ZNF80: variants seen among roughly 807,000 people sequenced by gnomAD.
The protein encoded by ZNF80 is zinc finger protein 80, also known as ZNFPT17.
For missense variants in ZNF80, 394 were observed against 334.1 expected (o/e 1.18, Z -1.40); for synonymous variants, 132 against 119.4 (o/e 1.11, Z -0.69).
At position 114,237,340 on chromosome 3, in the gene ZNF80, G is replaced by C. The variant is rs2078209427; in HGVS notation, c.-266C>G. The C allele has an allele frequency of 2.7e-6, 1 of 366,994 alleles. No homozygotes were observed. The highest frequency in any genetic ancestry group is 4.3e-5 in the Admixed American group (1 of 23,476). 22.7% of individuals were successfully genotyped at this position (366,994 alleles called of 1,614,324 possible). ...GTGAAGCTGCAGACCTTCGTGGTGA[G>C]TGTTACAGCTCTTAAGGCTTAAGGC... On this transcript the variant is annotated 5_prime_UTR_variant, in exon 1 of 1. Transcript: ENST00000482457.
chr3:114,236,425 T>C lies in ZNF80; in HGVS notation c.650A>G (p.Tyr217Cys). ...HSMTHTAGKP[Y>C]ECKECGKGFY... ...ACCTTTCCCACATTCTTTGCACTCG[T>C]AGGGCTTTCCTGCAGTGTGGGTCAT... The change falls in exon 1 of 1, where the codon TAC becomes TGC. Residue 217 changes from tyrosine to cysteine, a missense_variant. Tyr to Cys is a radical substitution (Grantham distance 194). Transcript: ENST00000482457. 1 of 1,612,470 alleles carries C rather than the reference T, an allele frequency of 6.2e-7. No homozygotes were observed. Among genetic ancestry groups the C allele is most frequent in the East Asian group, 2.2e-5 (1 of 44,830 alleles).
chr3:114,236,424 G>C (rs2078202552), exon 1 of ZNF80: 1 of 1,612,474 alleles, frequency 6.2e-7, no homozygotes, highest in Non-Finnish European at 8.5e-7. Context: ...CTTTGCACTC[G>C]TAGGGCTTTC....
chr3:114,235,843 T>TAAA lies in ZNF80; in HGVS notation c.*407_*409dup, dbSNP rs200692814. 8.7e-5 allele frequency: 13 copies of TAAA among 149,958 alleles called. No homozygotes were observed. Among genetic ancestry groups the TAAA allele is most frequent in the Non-Finnish European group, 1.2e-4 (8 of 68,446 alleles). The allele number at this position is 149,958 out of a possible 1,614,324, so 9.3% of individuals were successfully genotyped here. A position where few individuals can be genotyped will look rare whatever the true frequency, so the allele number is the denominator to read the frequency against. On this transcript the variant is annotated 3_prime_UTR_variant, in exon 1 of 1. Coordinates refer to ENST00000482457, the MANE Select transcript of ZNF80 (RefSeq NM_007136.4). ...TCTCTTTTACAGTTCCCTTCTTACT[T>TAAA]AAAAAAAAAAAATCCTGAAGTGGCT... is the stretch of plus-strand genomic sequence containing the variant.
In ZNF80 at chr3:114,236,840, A is replaced by T. The variant is rs747160537; in HGVS notation, c.235T>A (p.Cys79Ser). ...QIHTGVKPYE[C>S]QECGKAFPEK... Reference sequence around the variant, plus strand: ...GGAAAGGCTTTTCCACACTCCTGGCATTCATAAGGCTTCACCCCAGTGTGA... The same window carrying T: ...GGAAAGGCTTTTCCACACTCCTGGCTTTCATAAGGCTTCACCCCAGTGTGA... Residue 79 changes from cysteine to serine, a missense_variant, in exon 1 of 1, where the codon TGC becomes AGC. By Grantham distance (112) the Cys-to-Ser change is moderately radical. Coordinates refer to ENST00000482457, the MANE Select transcript of ZNF80 (RefSeq NM_007136.4). 6 of 1,614,086 alleles carry T rather than the reference A, an allele frequency of 3.7e-6. No individual in the cohort carries two copies. Among genetic ancestry groups the T allele is most frequent in the South Asian group, 1.1e-5 (1 of 91,090 alleles).
rs1291702504 is a variant in ZNF80 at position 114,237,321 on chromosome 3, C to T, written c.-247G>A. Reference sequence around the variant, plus strand: ...TGGTCTCGCTGGCTCAGGAGTGAAGCTGCAGACCTTCGTGGTGAGTGTTAC... The same window carrying T: ...TGGTCTCGCTGGCTCAGGAGTGAAGTTGCAGACCTTCGTGGTGAGTGTTAC... On this transcript the variant is annotated 5_prime_UTR_variant, in exon 1 of 1. Transcript: ENST00000482457. The T allele has an allele frequency of 2.4e-6, 1 of 418,650 alleles. No homozygotes were observed. Among genetic ancestry groups the T allele is most frequent in the Non-Finnish European group, 4.2e-6 (1 of 236,034 alleles). 25.9% of individuals were successfully genotyped at this position (418,650 alleles called of 1,614,324 possible).
In ZNF80 at chr3:114,236,440, G is replaced by A. The variant is rs1022493294; in HGVS notation, c.635C>T (p.Thr212Ile). The change falls in exon 1 of 1, where the codon ACT (threonine) becomes ATT (isoleucine). Residue 212 changes from threonine (T) to isoleucine (I), a missense_variant. Coordinates refer to ENST00000482457, the MANE Select transcript of ZNF80 (RefSeq NM_007136.4). ...SVFFRHSMTH[T>I]AGKPYECKEC... ...TTTGCACTCGTAGGGCTTTCCTGCAGTGTGGGTCATACTATGTCGGAAGAA... is the reference window on the plus strand; with the variant it reads ...TTTGCACTCGTAGGGCTTTCCTGCAATGTGGGTCATACTATGTCGGAAGAA... 3 of 1,612,548 alleles carry A rather than the reference G, an allele frequency of 1.9e-6. No individual in the cohort carries two copies. Among genetic ancestry groups the A allele is most frequent in the Non-Finnish European group, 2.5e-6 (3 of 1,178,834 alleles).
In ZNF80 at chr3:114,235,629, A is replaced by G. The variant is rs1335136495; in HGVS notation, c.*624T>C. 3 of 152,256 alleles carry G rather than the reference A, an allele frequency of 2.0e-5. No individual in the cohort carries two copies. The highest frequency in any genetic ancestry group is 6.5e-5 in the Admixed American group (1 of 15,284). 9.4% of individuals were successfully genotyped at this position (152,256 alleles called of 1,614,324 possible). A position where few individuals can be genotyped will look rare whatever the true frequency, so the allele number is the denominator to read the frequency against. On this transcript the variant is annotated 3_prime_UTR_variant, in exon 1 of 1. Coordinates refer to ENST00000482457, the MANE Select transcript of ZNF80 (RefSeq NM_007136.4). ...TTAGAACAAAGAATGCATTCAATAA[A>G]TCTTTACAGAGTTAATCTTTACAGA...
rs1289000205 is a variant in ZNF80, at chr3:114,236,664, C to T, written c.411G>A (p.Glu137=). The change falls in exon 1 of 1, where the codon GAG becomes GAA. Residue 137 remains glutamate (E), a synonymous_variant. Coordinates refer to ENST00000482457, the MANE Select transcript of ZNF80 (RefSeq NM_007136.4). ...AGTGATAGCTGAAGGTCTTTCCACA[C>T]TCGCTGCACTCATAGGGCTTCTCTC... ...HTGEKPYECS[E]CGKTFSYHSV... is the part of the protein sequence containing the mutation. 1.2e-6 allele frequency: 2 copies of T among 1,614,002 alleles called. No homozygotes were observed.
At chr3:114,236,646 GC>G in exon 1 of ZNF80, 1 of 1,614,174 alleles carries the variant, frequency 6.2e-7, no homozygotes, top group Non-Finnish European at 8.5e-7. Flanking sequence ...CAGAGTGATA[GC>G]TGAAGGTCTT....
Position 114,236,912 on chromosome 3 carries a change from C to T in ZNF80, c.163G>A (p.Gly55Arg). 1 of 1,614,216 alleles carries T rather than the reference C, an allele frequency of 6.2e-7. No individual in the cohort carries two copies. Among genetic ancestry groups the T allele is most frequent in the Non-Finnish European group, 8.5e-7 (1 of 1,180,042 alleles). Reference protein sequence around the residue: ...EGKTYKCKECGSVFNKNSLLV... With the variant: ...EGKTYKCKECRSVFNKNSLLV... ...AGGCTGTTTTTGTTAAACACGCTCC[C>T]ACATTCCTTGCATTTGTAGGTCTTC... The change falls in exon 1 of 1, where the codon GGG (glycine) becomes AGG (arginine). Residue 55 changes from glycine (G) to arginine (R), a missense_variant. By Grantham distance (125) the Gly-to-Arg change is moderately radical. Transcript: ENST00000482457.
rs148339567 is a variant in ZNF80, at chr3:114,237,378, G to T, written c.-304C>A. On this transcript the variant is annotated 5_prime_UTR_variant, in exon 1 of 1. Coordinates refer to ENST00000482457, the MANE Select transcript of ZNF80 (RefSeq NM_007136.4). ...TAAGGCTTAAGGCGGCGCGTCTGGA[G>T]TTGTTCGTTCCTCCCGGTGGGCTCG... 541 of 249,050 alleles carry T rather than the reference G, an allele frequency of 2.2e-3. 7 individuals are homozygous for T. Among genetic ancestry groups the T allele is most frequent in the African/African-American group, 0.012 (520 of 44,546 alleles). 15.4% of individuals were successfully genotyped at this position (249,050 alleles called of 1,614,324 possible).
Position 114,234,891 on chromosome 3 carries a change from A to C in ZNF80, c.*1362T>G, listed in dbSNP as rs1209119275. ...CTTAGAGATGTTTTGATATCAGTAC[A>C]TACAGAGATACCTTATTGTTTCACA... On this transcript the variant is annotated 3_prime_UTR_variant, in exon 1 of 1. Coordinates refer to ENST00000482457, the MANE Select transcript of ZNF80 (RefSeq NM_007136.4). 2 of 152,236 alleles carry C rather than the reference A, an allele frequency of 1.3e-5. No homozygotes were observed. The highest frequency in any genetic ancestry group is 4.8e-5 in the African/African-American group (2 of 41,470). 9.4% of individuals were successfully genotyped at this position (152,236 alleles called of 1,614,324 possible).
chr3:114,236,553 A>C lies in ZNF80; in HGVS notation c.522T>G (p.Ser174=), dbSNP rs773028373. 6.2e-7 allele frequency: 1 copy of C among 1,613,612 alleles called. No homozygotes were observed. The highest frequency in any genetic ancestry group is 1.7e-5 in the Admixed American group (1 of 59,958). Residue 174 remains serine (S), a synonymous_variant, in exon 1 of 1, where the codon TCT becomes TCG. Coordinates refer to ENST00000482457, the MANE Select transcript of ZNF80 (RefSeq NM_007136.4). Reference sequence around the variant, plus strand: ...GAATCTTCATGTGCCGGGTTAAGGAAGAGTTGTAGTAAAAGGTTTTTCCAC... The same window carrying C: ...GAATCTTCATGTGCCGGGTTAAGGACGAGTTGTAGTAAAAGGTTTTTCCAC... ...KECGKTFYYN[S]SLTRHMKIHT... is the part of the protein sequence containing the mutation.
chr3:114,237,070 C>G lies in ZNF80; in HGVS notation c.5G>C (p.Ser2Thr). The change falls in exon 1 of 1, where the codon AGC (serine) becomes ACC (threonine). Residue 2 changes from serine to threonine, a missense_variant. Ser to Thr is a moderately conservative substitution (Grantham distance 58). Coordinates refer to ENST00000482457, the MANE Select transcript of ZNF80 (RefSeq NM_007136.4). MSPKRDGLGTGD... is the reference protein window; with the variant it reads MTPKRDGLGTGD... ...TGTCCCCAACCCATCGCGTTTAGGG[C>G]TCATCTTCCTCCAGAAGGTCTCCGT... 1 of 1,582,830 alleles carries G rather than the reference C, an allele frequency of 6.3e-7. No homozygotes were observed. Among genetic ancestry groups the G allele is most frequent in the Non-Finnish European group, 8.6e-7 (1 of 1,164,444 alleles).
At chr3:114,237,062 G>GT (rs2078207645) in exon 1 of ZNF80, 1 of 1,589,634 alleles carries the variant, frequency 6.3e-7, no homozygotes, top group Non-Finnish European at 8.6e-7. Flanking sequence ...AACCCATCGC[G>GT]TTTAGGGCTC....
At position 114,236,766 on chromosome 3, in the gene ZNF80, C is replaced by T. The variant is rs140075528; in HGVS notation, c.309G>A (p.Lys103=). 1.7e-4 allele frequency: 267 copies of T among 1,614,164 alleles called. 1 individual carries two copies. The African/African-American group carries it at 3.2e-3, about 19-fold the overall frequency. Residue 103 remains lysine (K), a synonymous_variant, in exon 1 of 1, where the codon AAG becomes AAA. Transcript: ENST00000482457. The part of the protein sequence containing the change: ...VRPMRIHTGE[K]PCKCVECGKV... ...TCCCGCACTCCACGCACTTACAGGG[C>T]TTCTCCCCTGTGTGAATCCTCATGG...
chr3:114,236,806 AC>A (rs1442445519), exon 1 of ZNF80: 1 of 1,613,838 alleles, frequency 6.2e-7, no homozygotes, highest in Non-Finnish European at 8.5e-7. Context: ...AACGAAGTCG[AC>A]CTTTTCAGGA....
At position 114,236,739 on chromosome 3, in the gene ZNF80, C is replaced by T; in HGVS notation, c.336G>A (p.Lys112=). The change falls in exon 1 of 1, where the codon AAG becomes AAA. Residue 112 remains lysine, a synonymous_variant. Transcript: ENST00000482457. ...EKPCKCVECG[K]VFNRRSHLLC... is the part of the protein sequence containing the mutation. ...GGAGGTGCGACCTGCGGTTGAAGAC[C>T]TTCCCGCACTCCACGCACTTACAGG... is the stretch of plus-strand genomic sequence containing the variant. The T allele has an allele frequency of 6.2e-7, 1 of 1,614,180 alleles. No homozygotes were observed. The highest frequency in any genetic ancestry group is 8.5e-7 in the Non-Finnish European group (1 of 1,180,052).
Position 114,236,910 on chromosome 3 carries a change from C to G in ZNF80, c.165G>C (p.Gly55=), listed in dbSNP as rs767523471. The G allele has an allele frequency of 1.2e-6, 2 of 1,614,096 alleles. No homozygotes were observed. The highest frequency in any genetic ancestry group is 4.5e-5 in the East Asian group (2 of 44,890). The change falls in exon 1 of 1, where the codon GGG becomes GGC. Residue 55 remains glycine, a synonymous_variant. Transcript: ENST00000482457. ...GGAGGCTGTTTTTGTTAAACACGCT[C>G]CCACATTCCTTGCATTTGTAGGTCT... is the stretch of plus-strand genomic sequence containing the variant. ...EGKTYKCKEC[G]SVFNKNSLLV...
Sources: allele counts gnomAD v4.1 joint callset, GRCh38; gene constraint gnomAD v4.1.1; transcripts MANE v1.5; gene names NCBI Gene and HGNC (gene_info 2026-07-23, HGNC 2026-07-21).